Variants in DDX25 observed in about 807,000 individuals in gnomAD.
DDX25 encodes the protein DEAD-box helicase 25.
A neutral mutation model predicts 64.6 loss-of-function variants in DDX25; 70 were observed. That is an observed-to-expected ratio of 1.08 (90% CI 0.89 to 1.32). The LOEUF (loss-of-function observed/expected upper bound fraction) is 1.32. Ranked by LOEUF, DDX25 falls within the 40% of genes most tolerant of loss-of-function variation. The pLI is 0.00. For missense variants in DDX25, 587 were observed against 604.4 expected, an observed-to-expected ratio of 0.97 and a Z score of 0.30; for synonymous variants, 211 against 213.3, an observed-to-expected ratio of 0.99 and a Z score of 0.09.
chr11:125,918,903 G>C, intron 10 of DDX25, 113 bp downstream of exon 10: 2 of 1,255,146 alleles, frequency 1.6e-6, no homozygotes, highest in South Asian at 3.3e-5. Context: ...AGCTATCACT[G>C]TCATCAAAAT....
chr11:125,904,674 C>T (rs1158061533), intron 1 of DDX25, 94 bp downstream of exon 1: 1 of 1,342,822 alleles, frequency 7.4e-7, no homozygotes, highest in South Asian at 1.4e-5. Context: ...AGCCCGCGAG[C>T]GTTCGAAGTG....
chr11:125,907,506 G>A (rs1210382295), intron 4 of DDX25, among the ~76,000 whole-genome samples: 1 of 152,110 alleles, frequency 6.6e-6, no homozygotes, highest in African/African-American at 2.4e-5. Flanking sequence ...TACTCGGGAG[G>A]CTGAGGCAGG....
chr11:125,910,488 A>G lies in DDX25; in HGVS notation c.622+10A>G. On this transcript the variant is annotated intron_variant, in intron 7 of 11. Transcript: ENST00000263576. ...ATTCGAGGGAATCGAAGTATGTACC[A>G]GTAAGCCAGTCCTGGCTGATTTTTC... The G allele has an allele frequency of 6.2e-7, 1 of 1,612,668 alleles. No homozygotes were observed. Among genetic ancestry groups the G allele is most frequent in the Non-Finnish European group, 8.5e-7 (1 of 1,178,768 alleles).
In DDX25 at chr11:125,921,234, C is replaced by G. The variant is rs776940780; in HGVS notation, c.1245C>G (p.Leu415=). The G allele has an allele frequency of 5.0e-5, 81 of 1,612,506 alleles. No homozygotes were observed. In the East Asian group the frequency reaches 1.8e-3, roughly 35 times the overall value. ...TCACAATTGTTGTGAACTTTGATCT[C>G]CCTGTAAAACAAGGAGAGGAGCCGG... The part of the protein sequence containing the change: ...KQVTIVVNFD[L]PVKQGEEPDY... Residue 415 remains leucine (L), a synonymous_variant, in exon 11 of 12, where the codon CTC becomes CTG. Transcript: ENST00000263576. This position sits in a 1 kb window ranked among gnomAD's most constrained non-coding sequence, Gnocchi z 4.1.
upstream of DDX25, chr11:125,904,264 T>G: frequency 3.1e-6 from 1 of 326,104 alleles, no homozygotes; most frequent in Non-Finnish European, 5.5e-6. Context: ...TCCGCGCCCT[T>G]TCGCCCCGCT....
chr11:125,912,007 A>G (rs1353622471), intron 8 of DDX25, among the ~76,000 whole-genome samples: 2 of 152,224 alleles, frequency 1.3e-5, no homozygotes, highest in African/African-American at 2.4e-5. Context: ...TTACTGAATG[A>G]GAGTTTCTGT....
intron 8 of DDX25, among the ~76,000 whole-genome samples, chr11:125,913,569 C>A (rs1484288890): frequency 1.3e-5 from 2 of 152,096 alleles, no homozygotes; most frequent in Non-Finnish European, 2.9e-5. Flanking sequence ...TCAGCTTCCA[C>A]TGTTGTTACT....
At chr11:125,914,053 C>A (rs1023673106) in intron 8 of DDX25, among the ~76,000 whole-genome samples, 13 of 152,116 alleles carry the variant, frequency 8.5e-5, no homozygotes, top group Non-Finnish European at 1.5e-4. Context: ...GATGCAGTAT[C>A]TTCAGTTGTC....
At chr11:125,906,309 C>G in intron 4 of DDX25, 100 bp downstream of exon 4, 2 of 1,338,676 alleles carry the variant, frequency 1.5e-6, no homozygotes, top group Admixed American at 4.0e-5. Flanking sequence ...TCTTTGTTTT[C>G]TGATATTCAA....
In DDX25 at chr11:125,923,089, G is replaced by A; in HGVS notation, c.*208G>A. The A allele has an allele frequency of 1.8e-6, 1 of 553,118 alleles. No homozygotes were observed. The highest frequency in any genetic ancestry group is 3.2e-6 in the Non-Finnish European group (1 of 312,070). The allele number at this position is 553,118 out of a possible 1,614,324, so 34.3% of individuals were successfully genotyped here. ...TGTGATCCTTTTGAATAAAAAAAAG[G>A]CAAGATTATTTCTTATTCTAATCTT... On this transcript the variant is annotated 3_prime_UTR_variant, in exon 12 of 12. Coordinates refer to ENST00000263576, the MANE Select transcript of DDX25 (RefSeq NM_013264.5).
intron 8 of DDX25, among the ~76,000 whole-genome samples, chr11:125,912,891 C>G (rs927312639): frequency 6.6e-6 from 1 of 152,148 alleles, no homozygotes; most frequent in Non-Finnish European, 1.5e-5. Flanking sequence ...GGCACGGTGG[C>G]TCACGCCAGT....
chr11:125,907,598 A>C (rs1025855672), intron 4 of DDX25, among the ~76,000 whole-genome samples: 2 of 148,084 alleles, frequency 1.4e-5, no homozygotes, highest in Non-Finnish European at 3.0e-5. Flanking sequence ...ACAGAGCAAG[A>C]CTCCGTCTCA....
At chr11:125,906,949 A>G (rs1479393740) in intron 4 of DDX25, among the ~76,000 whole-genome samples, 1 of 152,164 alleles carries the variant, frequency 6.6e-6, no homozygotes, top group Non-Finnish European at 1.5e-5. Flanking sequence ...TAGATAGCTA[A>G]GCTAGGCACA....
At chr11:125,905,819 T>G (rs1944876144) in intron 3 of DDX25, among the ~76,000 whole-genome samples, 2 of 152,228 alleles carry the variant, frequency 1.3e-5, no homozygotes, top group South Asian at 2.1e-4. Context: ...CTTCCATCTG[T>G]CAAGGATTTG....
chr11:125,910,532 G>A (rs894159930), intron 7 of DDX25, 54 bp downstream of exon 7: 21 of 1,489,670 alleles, frequency 1.4e-5, no homozygotes, highest in African/African-American at 8.3e-5. Context: ...GCTTCACCAC[G>A]AATAAGCATT....
At chr11:125,911,086 T>G (rs1355107997) in intron 7 of DDX25, among the ~76,000 whole-genome samples, 1 of 152,178 alleles carries the variant, frequency 6.6e-6, no homozygotes, top group Non-Finnish European at 1.5e-5. Context: ...ACATTTTGGT[T>G]GTTTTCTGTT....
rs1255324787 is a variant in DDX25 at position 125,905,643 on chromosome 11, C to T, written c.175+46C>T. 2.6e-6 allele frequency: 4 copies of T among 1,518,154 alleles called. 1 individual carries two copies. The highest frequency in any genetic ancestry group is 2.4e-5 in the South Asian group (2 of 82,688). The allele number at this position is 1,518,154 out of a possible 1,614,324, so 94.0% of individuals were successfully genotyped here. On this transcript the variant is annotated intron_variant, in intron 3 of 11. Coordinates refer to ENST00000263576, the MANE Select transcript of DDX25 (RefSeq NM_013264.5). ...CATGTATCTACTAGCATTCTGTTTCCGTTTATAACTTTAATAGTGTGAGTG... is the reference window on the plus strand; with the variant it reads ...CATGTATCTACTAGCATTCTGTTTCTGTTTATAACTTTAATAGTGTGAGTG...
rs568002839 is a variant in DDX25 at position 125,927,717 on chromosome 11, T to C, written c.*4836T>C. On this transcript the variant is annotated 3_prime_UTR_variant, in exon 12 of 12. Coordinates refer to ENST00000263576, the MANE Select transcript of DDX25 (RefSeq NM_013264.5). ...CATGTATAGGTCATGTATAATGGCC[T>C]CAGGCATGATTTAGAAGGCACAGAC... 2 of 152,320 alleles carry C rather than the reference T, an allele frequency of 1.3e-5. No individual in the cohort carries two copies. Among genetic ancestry groups the C allele is most frequent in the South Asian group, 4.1e-4 (2 of 4,828 alleles). The allele number at this position is 152,320 out of a possible 1,614,324, so 9.4% of individuals were successfully genotyped here.
rs59922474 is a variant in DDX25, at chr11:125,924,049, C to CT, written c.*1168_*1169insT. On this transcript the variant is annotated 3_prime_UTR_variant, in exon 12 of 12. Transcript: ENST00000263576. ...TTGGGAGGCCAAGGAGGGCGGATCA[C>CT]GAGGTCAGGAGTTAAGACCAGCCTT... 6.6e-6 allele frequency: 1 copy of CT among 152,202 alleles called. No homozygotes were observed. The highest frequency in any genetic ancestry group is 1.5e-5 in the Non-Finnish European group (1 of 68,098). 9.4% of individuals were successfully genotyped at this position (152,202 alleles called of 1,614,324 possible). A position where few individuals can be genotyped will look rare whatever the true frequency, so the allele number is the denominator to read the frequency against.
Sources: gnomAD v4.1 joint callset for allele counts (sites outside exome capture counted in the v4.1 genomes callset) on GRCh38, gnomAD v4.1.1 for gene constraint, Gnocchi (gnomAD v3.1) non-coding constraint, MANE v1.5 for transcripts, NCBI Gene and HGNC (gene_info 2026-07-23, HGNC 2026-07-21) for gene names.